UBE3D: variants seen among roughly 807,000 people sequenced by gnomAD.
UBE3D encodes the protein E3 ubiquitin-protein ligase E3D.
In UBE3D, 48 loss-of-function variants were observed where a neutral mutation model predicts 49.6. That is an observed-to-expected ratio of 0.97 (90% confidence interval 0.77 to 1.23). The LOEUF is 1.23. Among genes scored for constraint, UBE3D ranks in the 50% most tolerant of loss-of-function variants. UBE3D has a pLI of 0.00. For missense variants in UBE3D, 452 were observed against 468.4 expected (o/e 0.96, Z 0.32); for synonymous variants, 189 against 174.2 (o/e 1.08, Z -0.67).
chr6:83,051,794 T>A (rs1308294719), intron 3 of UBE3D, among the ~76,000 whole-genome samples: 1 of 152,184 alleles, frequency 6.6e-6, no homozygotes. Flanking sequence ...GTCACCTCAT[T>A]TCTTACTCAA....
At chr6:82,911,223 A>AAAAAAT (rs1772496649) in intron 9 of UBE3D, among the ~76,000 whole-genome samples, 2 of 149,356 alleles carry the variant, frequency 1.3e-5, no homozygotes, top group Non-Finnish European at 3.0e-5. Flanking sequence ...AAAAAAAAAA[A>AAAAAAT]CTCAGGGGGG....
intron 7 of UBE3D, among the ~76,000 whole-genome samples, chr6:83,021,284 T>C (rs1298879987): frequency 6.6e-6 from 1 of 151,964 alleles, no homozygotes; most frequent in Non-Finnish European, 1.5e-5. Context: ...TCACAAAAAA[T>C]TTAAAAATTG....
At chr6:82,985,798 T>C (rs956295532) in intron 8 of UBE3D, among the ~76,000 whole-genome samples, 1 of 152,206 alleles carries the variant, frequency 6.6e-6, no homozygotes, top group Non-Finnish European at 1.5e-5. Context: ...ATTTCCTCAC[T>C]GTTTGAGAGG....
intron 5 of UBE3D, among the ~76,000 whole-genome samples, chr6:83,025,093 C>T (rs1053581670): frequency 6.6e-6 from 1 of 152,232 alleles, no homozygotes; most frequent in Non-Finnish European, 1.5e-5. Context: ...CATCATATAA[C>T]TGAATAACTC....
chr6:82,987,621 T>C (rs1778612030), intron 8 of UBE3D, among the ~76,000 whole-genome samples: 1 of 152,200 alleles, frequency 6.6e-6, no homozygotes, highest in African/African-American at 2.4e-5. Flanking sequence ...ATGCTTATGA[T>C]GCTAGTGTGG....
At chr6:82,991,262 A>C (rs1778864445) in intron 8 of UBE3D, among the ~76,000 whole-genome samples, 1 of 152,208 alleles carries the variant, frequency 6.6e-6, no homozygotes, top group Non-Finnish European at 1.5e-5. Flanking sequence ...CACTCAAGAA[A>C]TTAAGCTCCA....
intron 9 of UBE3D, among the ~76,000 whole-genome samples, chr6:82,943,533 G>A (rs1369719020): frequency 2.0e-5 from 3 of 152,070 alleles, no homozygotes; most frequent in South Asian, 2.1e-4. Context: ...CTACTTGGGA[G>A]GCTGAGTTGG....
At chr6:82,959,116 G>A (rs1003501414) in intron 8 of UBE3D, among the ~76,000 whole-genome samples, 3 of 151,456 alleles carry the variant, frequency 2.0e-5, no homozygotes, top group Non-Finnish European at 2.9e-5. Flanking sequence ...AATCTTGATC[G>A]CTTGCTGCAT....
chr6:82,984,973 A>G (rs2324171), intron 8 of UBE3D, among the ~76,000 whole-genome samples: 25,652 of 134,270 alleles, frequency 0.19, 2,424 homozygotes, highest in African/African-American at 0.26. Flanking sequence ...ACCACATCTG[A>G]CTGTTTTTAA....
chr6:82,883,624 C>T, the UBE3D span, among the ~76,000 whole-genome samples: 5 of 152,186 alleles, frequency 3.3e-5, no homozygotes, highest in East Asian at 9.7e-4. Context: ...AGTTTTGTTC[C>T]ACAGCAATTT....
intron 9 of UBE3D, among the ~76,000 whole-genome samples, chr6:82,955,014 T>A (rs1415467738): frequency 6.6e-6 from 1 of 152,196 alleles, no homozygotes; most frequent in Non-Finnish European, 1.5e-5. Flanking sequence ...TAAAACCACA[T>A]GAAGTACAAT....
At chr6:82,891,301 A>G (rs1770974297), downstream of UBE3D, among the ~76,000 whole-genome samples, 1 of 152,182 alleles carries the variant, frequency 6.6e-6, no homozygotes, top group African/African-American at 2.4e-5. Flanking sequence ...TAGTGGGTAG[A>G]GGTCAGGGAT....
chr6:82,891,053 G>A (rs566585378), downstream of UBE3D, among the ~76,000 whole-genome samples: 4 of 151,622 alleles, frequency 2.6e-5, no homozygotes, highest in Non-Finnish European at 5.9e-5. Flanking sequence ...GTATTCATTT[G>A]TGAAAAAAAA....
intron 9 of UBE3D, among the ~76,000 whole-genome samples, chr6:82,952,388 A>C (rs978315046): frequency 6.6e-6 from 1 of 151,964 alleles, no homozygotes; most frequent in Non-Finnish European, 1.5e-5. Flanking sequence ...ACTAAAAAAA[A>C]TTAGCTATTA....
At chr6:82,964,684 T>A (rs931473388) in intron 8 of UBE3D, among the ~76,000 whole-genome samples, 1 of 152,168 alleles carries the variant, frequency 6.6e-6, no homozygotes, top group African/African-American at 2.4e-5. Context: ...AACAACTTAG[T>A]GATAGAATTT....
At chr6:83,029,869 T>A (rs1485238880) in intron 5 of UBE3D, among the ~76,000 whole-genome samples, 2 of 152,164 alleles carry the variant, frequency 1.3e-5, no homozygotes, top group African/African-American at 4.8e-5. Flanking sequence ...CCACTGTACC[T>A]GCATAGGTTA....
At chr6:83,035,406 A>AGAATTGT (rs1197147632) in intron 5 of UBE3D, among the ~76,000 whole-genome samples, 1 of 152,170 alleles carries the variant, frequency 6.6e-6, no homozygotes, top group Non-Finnish European at 1.5e-5. Flanking sequence ...TAAACCTTTG[A>AGAATTGT]GAATTGTGTT....
chr6:82,940,854 A>AT lies in UBE3D; in HGVS notation c.1149+16457dup, dbSNP rs1481650838. ...CCAGCCAGCATCTTCAATGAGCCCA[A>AT]TTTTATATTAATATATATATTTGTG... On this transcript the variant is annotated intron_variant, in intron 9 of 9. Coordinates refer to ENST00000369747, the MANE Select transcript of UBE3D (RefSeq NM_198920.3). Among the ~76,000 whole-genome samples the AT allele has an allele frequency of 2.6e-5, 4 of 152,282 alleles. No individual in the cohort carries two copies. In the South Asian group the frequency reaches 8.3e-4, roughly 32 times the overall value.
chr6:83,019,161 A>C, intron 7 of UBE3D, 25 bp from the exon 8 acceptor site: 2 of 1,597,592 alleles, frequency 1.3e-6, no homozygotes, highest in Non-Finnish European at 1.7e-6. Context: ...AGAAAGTCCA[A>C]GTATAAGAAT....
Sources: gnomAD v4.1 joint callset for allele counts (sites outside exome capture counted in the v4.1 genomes callset) on GRCh38, gnomAD v4.1.1 for gene constraint, MANE v1.5 for transcripts, NCBI Gene and HGNC (gene_info 2026-07-23, HGNC 2026-07-21) for gene names.